The following SGTB variants were observed in gnomAD, a reference collection of about 807,000 sequenced individuals.
SGTB encodes small glutamine-rich tetratricopeptide repeat-containing protein beta.
In SGTB, 19 loss-of-function variants were observed where a neutral mutation model predicts 43.9. That is an observed-to-expected ratio of 0.43 (90% confidence interval 0.30 to 0.63). SGTB has a LOEUF of 0.63. Ranked by LOEUF, SGTB falls within the 30% of genes least tolerant of loss-of-function variation. The pLI is 0.12. For synonymous variants in SGTB, 116 were observed against 117.3 expected (o/e 0.99, Z 0.07); for missense variants, 304 against 358.9 (o/e 0.85, Z 1.24).
chr5:65,695,914 TACAGTA>T (rs1290144302), intron 5 of SGTB, among the ~76,000 whole-genome samples: 1 of 152,222 alleles, frequency 6.6e-6, no homozygotes, highest in African/African-American at 2.4e-5. Context: ...CTTAAAAAGA[TACAGTA>T]ACTGCCCAAG....
intron 2 of SGTB, among the ~76,000 whole-genome samples, chr5:65,713,477 T>C (rs1050839847): frequency 2.0e-5 from 3 of 151,826 alleles, no homozygotes; most frequent in South Asian, 2.1e-4. Flanking sequence ...ATGAGCCACA[T>C]GCTAACTGTT....
intron 2 of SGTB, among the ~76,000 whole-genome samples, chr5:65,713,743 C>G (rs1412309526): frequency 6.6e-6 from 1 of 152,150 alleles, no homozygotes; most frequent in East Asian, 1.9e-4. Context: ...TAACAACTTA[C>G]TCAGCCAAGT....
intron 5 of SGTB, among the ~76,000 whole-genome samples, chr5:65,702,234 T>G (rs2150717483): frequency 6.6e-6 from 1 of 151,696 alleles, no homozygotes; most frequent in African/African-American, 2.4e-5. Context: ...AAGGACAAAG[T>G]ACAAAGTCCA....
chr5:65,719,581 A>G (rs553278222), intron 2 of SGTB, among the ~76,000 whole-genome samples: 27 of 152,298 alleles, frequency 1.8e-4, no homozygotes, highest in African/African-American at 6.3e-4. Flanking sequence ...TGACAGAGCC[A>G]GACAGACCCT....
chr5:65,710,589 C>A (rs1579883895), intron 3 of SGTB, among the ~76,000 whole-genome samples: 1 of 152,148 alleles, frequency 6.6e-6, no homozygotes, highest in African/African-American at 2.4e-5. Context: ...CAAATAATTT[C>A]TTTAATTACA....
chr5:65,678,213 C>G (rs375985377), intron 8 of SGTB, among the ~76,000 whole-genome samples: 1 of 151,866 alleles, frequency 6.6e-6, no homozygotes, highest in East Asian at 1.9e-4. Context: ...ACAGGCAAGT[C>G]GAAAGTCAAA....
intron 4 of SGTB, among the ~76,000 whole-genome samples, chr5:65,707,728 C>A (rs750401736): frequency 6.6e-6 from 1 of 151,946 alleles, no homozygotes; most frequent in Non-Finnish European, 1.5e-5. Context: ...CCACCGTGCC[C>A]GGCCATGATA....
At chr5:65,674,766 T>C (rs1258673927) in intron 8 of SGTB, among the ~76,000 whole-genome samples, 2 of 152,120 alleles carry the variant, frequency 1.3e-5, no homozygotes, top group Non-Finnish European at 2.9e-5. Flanking sequence ...AAGAATTCCA[T>C]TTTTCACATC....
intron 4 of SGTB, among the ~76,000 whole-genome samples, chr5:65,705,826 G>A (rs1453639951): frequency 2.1e-5 from 3 of 143,730 alleles, no homozygotes; most frequent in Non-Finnish European, 4.5e-5. Flanking sequence ...CCAGAAATTA[G>A]AAACCAGCCT....
chr5:65,685,565 C>A, intron 5 of SGTB, 93 bp from the exon 6 acceptor site: 1 of 932,176 alleles, frequency 1.1e-6, no homozygotes, highest in Non-Finnish European at 1.6e-6. Context: ...TTTCTTGTTC[C>A]AATTTGTAGA....
At chr5:65,718,813 G>A (rs1256758391) in intron 2 of SGTB, among the ~76,000 whole-genome samples, 1 of 151,616 alleles carries the variant, frequency 6.6e-6, no homozygotes, top group Non-Finnish European at 1.5e-5. Context: ...ACATATTTTT[G>A]GCTGAATACC....
intron 5 of SGTB, among the ~76,000 whole-genome samples, chr5:65,700,363 G>A (rs1393664790): frequency 1.3e-5 from 2 of 152,054 alleles, no homozygotes; most frequent in Non-Finnish European, 2.9e-5. Flanking sequence ...AAAATGTAAG[G>A]TACTGTCATG....
rs1328310831 is a variant in SGTB, at chr5:65,710,767, G to A, written c.204+2194C>T. 2.6e-5 allele frequency among the ~76,000 whole-genome samples: 4 copies of A among 152,144 alleles called. No homozygotes were observed. In the East Asian group the frequency reaches 5.8e-4, roughly 22 times the overall value. On this transcript the variant is annotated intron_variant, in intron 3 of 10. Coordinates refer to ENST00000381007, the MANE Select transcript of SGTB (RefSeq NM_019072.3). ...CAGCACTTTGGGAGCCAAGGCGGGC[G>A]GATCATGAGGTCAGGAGTTCAACAC...
chr5:65,687,533 A>T (rs1365644465), intron 5 of SGTB, among the ~76,000 whole-genome samples: 1 of 152,212 alleles, frequency 6.6e-6, no homozygotes, highest in Non-Finnish European at 1.5e-5. Context: ...CACAATAACA[A>T]TAAGGGAGGA....
chr5:65,697,526 G>A (rs942396159), intron 5 of SGTB, among the ~76,000 whole-genome samples: 1 of 152,120 alleles, frequency 6.6e-6, no homozygotes, highest in Non-Finnish European at 1.5e-5. Flanking sequence ...TTTATTTCAA[G>A]ACTGCATATG....
chr5:65,676,912 G>C (rs1266626784), intron 8 of SGTB, among the ~76,000 whole-genome samples: 1 of 149,874 alleles, frequency 6.7e-6, no homozygotes, highest in Non-Finnish European at 1.5e-5. Context: ...ACAAATAAAA[G>C]AACTAGAGAA....
At position 65,682,347 on chromosome 5, in the gene SGTB, G is replaced by A. The variant is rs1168032834; in HGVS notation, c.480-1553C>T. Among the ~76,000 whole-genome samples, 5 of 152,186 alleles carry A rather than the reference G, an allele frequency of 3.3e-5. No individual in the cohort carries two copies. The East Asian group carries it at 9.6e-4, about 29-fold the overall frequency. On this transcript the variant is annotated intron_variant, in intron 6 of 10. Transcript: ENST00000381007. ...TGCTTGGAGTTTGAACTTTATTCTG[G>A]TTGCAATGGAGTCACATGATACAAT...
chr5:65,721,726 A>G (rs888093283), intron 1 of SGTB, among the ~76,000 whole-genome samples, 191 bp downstream of exon 1: 72 of 152,262 alleles, frequency 4.7e-4, no homozygotes, highest in Non-Finnish European at 1.3e-4. Flanking sequence ...GAATGGGGGG[A>G]AAAGGGGTGA....
intron 8 of SGTB, among the ~76,000 whole-genome samples, chr5:65,677,275 C>T (rs560752699): frequency 6.6e-6 from 1 of 151,084 alleles, no homozygotes; most frequent in Non-Finnish European, 1.5e-5. Context: ...CAAGACTGAA[C>T]CAGGAAGAAA....
Sources: allele counts gnomAD v4.1 joint callset (sites outside exome capture counted in the v4.1 genomes callset), GRCh38; gene constraint gnomAD v4.1.1; transcripts MANE v1.5; gene names NCBI Gene and HGNC (gene_info 2026-07-23, HGNC 2026-07-21).